Variants in MTRR observed in about 807,000 individuals in gnomAD.
The protein encoded by MTRR is 5-methyltetrahydrofolate-homocysteine methyltransferase reductase.
MTRR carries 63 observed loss-of-function variants against 79.2 expected under a neutral mutation model. The observed-to-expected ratio is 0.80, with a 90% CI of 0.65 to 0.98. The LOEUF is 0.98. Among genes scored for constraint, MTRR ranks in the 50% least tolerant of loss-of-function variants. MTRR has a pLI of 0.00. For synonymous variants in MTRR, 355 were observed against 313.3 expected, an observed-to-expected ratio of 1.13 and a Z score of -1.41; for missense variants, 895 against 839.6, an observed-to-expected ratio of 1.07 and a Z score of -0.82.
At position 7,891,683 on chromosome 5, in the gene MTRR, C is replaced by T. The variant is rs16879342; in HGVS notation, c.1370+269C>T. Among the ~76,000 whole-genome samples, 6,230 of 152,184 alleles carry T rather than the reference C, an allele frequency of 0.041. 259 individuals carry two copies. Among genetic ancestry groups the T allele is most frequent in the East Asian group, 0.18 (953 of 5,156 alleles). On this transcript the variant is annotated intron_variant, in intron 10 of 14. Coordinates refer to ENST00000440940, the MANE Select transcript of MTRR (RefSeq NM_002454.3). ...GGCTCCTCCACATGCTTCCTGTGTC[C>T]GTGTGCCCAGCCACCTTCACTGAGT... is the stretch of plus-strand genomic sequence containing the variant.
chr5:7,885,670 T>C, intron 6 of MTRR, 31 bp from the exon 7 acceptor site: 1 of 1,221,826 alleles, frequency 8.2e-7, no homozygotes, highest in East Asian at 3.3e-5. Context: ...GTATAATGTA[T>C]TTTTTTTTTT....
chr5:7,861,730 T>G lies in MTRR; in HGVS notation n.392-221T>G, dbSNP rs749360567. 3.1e-5 allele frequency: 48 copies of G among 1,542,150 alleles called. 2 individuals are homozygous for G. In the South Asian group the frequency reaches 5.6e-4, roughly 18 times the overall value. On this transcript the variant is annotated intron_variant and non_coding_transcript_variant, in intron 1 of 3. Coordinates refer to the MTRR transcript ENST00000502509. The stretch of plus-strand genomic sequence containing the variant: ...TCTTCCTGTATTCATTCCTTTGCTT[T>G]GCTTTGATTCCTTCCACCTTGCATT...
chr5:7,878,178 G>C lies in MTRR; in HGVS notation c.636G>C (p.Val212=), dbSNP rs368140804. ...KDSEVLKQNA[V]NSNQSNVVIE... Reference sequence around the variant, plus strand: ...CTGAGGTTTTGAAGCAAAATGCAGTGAACAGCAACCAATCCAATGTTGTAA... The same window carrying C: ...CTGAGGTTTTGAAGCAAAATGCAGTCAACAGCAACCAATCCAATGTTGTAA... The change falls in exon 5 of 15, where the codon GTG becomes GTC. Residue 212 remains valine, a synonymous_variant. Coordinates refer to ENST00000440940, the MANE Select transcript of MTRR (RefSeq NM_002454.3). The C allele has an allele frequency of 6.2e-6, 10 of 1,614,036 alleles. No individual in the cohort carries two copies. Among genetic ancestry groups the C allele is most frequent in the Non-Finnish European group, 7.6e-6 (9 of 1,180,036 alleles).
intron 9 of MTRR, 131 bp from the exon 10 acceptor site, chr5:7,891,241 A>G (rs554873045): frequency 7.7e-6 from 5 of 646,966 alleles, no homozygotes; most frequent in South Asian, 2.1e-5. Flanking sequence ...GTGCTTAACT[A>G]TGATTTAAAA....
intron 1 of MTRR, among the ~76,000 whole-genome samples, chr5:7,858,616 C>CT (rs889721351): frequency 6.6e-6 from 1 of 152,188 alleles, no homozygotes; most frequent in Admixed American, 6.5e-5. Context: ...CACCAGCTAA[C>CT]TTGCACTGTG....
intron 4 of MTRR, among the ~76,000 whole-genome samples, chr5:7,877,623 T>C (rs1734797654): frequency 6.6e-6 from 1 of 152,112 alleles, no homozygotes; most frequent in South Asian, 2.1e-4. Flanking sequence ...AATTATATCT[T>C]CTTAAAATAA....
At chr5:7,892,602 G>A in intron 10 of MTRR, 125 bp from the exon 11 acceptor site, 1 of 1,050,872 alleles carries the variant, frequency 9.5e-7, no homozygotes, top group African/African-American at 1.6e-5. Context: ...TTTCCTCTGT[G>A]AGGATTTGGA....
At chr5:7,889,688 A>G (rs1242712080) in intron 9 of MTRR, among the ~76,000 whole-genome samples, 2 of 152,296 alleles carry the variant, frequency 1.3e-5, no homozygotes, top group East Asian at 3.9e-4. Context: ...TTTCAAAGCT[A>G]ACGAACATCA....
intron 1 of MTRR, chr5:7,859,359 A>T: frequency 1.2e-6 from 1 of 857,504 alleles, no homozygotes; most frequent in Non-Finnish European, 1.8e-6. Context: ...TGGCTAATTC[A>T]CATTATATTT....
At chr5:7,861,521 A>AT in intron 1 of MTRR, 1 of 1,195,806 alleles carries the variant, frequency 8.4e-7, no homozygotes, top group Non-Finnish European at 1.1e-6. Context: ...TGAGAAAAAG[A>AT]TACCGCTGCT....
At chr5:7,859,598 C>T in intron 1 of MTRR, 3 of 1,093,808 alleles carry the variant, frequency 2.7e-6, no homozygotes, top group Non-Finnish European at 4.0e-6. Context: ...GTTCCTCTGG[C>T]TATTGGTTAC....
chr5:7,881,604 T>C (rs190166186), intron 5 of MTRR, among the ~76,000 whole-genome samples: 2,291 of 152,256 alleles, frequency 0.015, 31 homozygotes, highest in Non-Finnish European at 0.024. Flanking sequence ...AGATTTTTTT[T>C]CCCAGTTAGT....
chr5:7,867,958 G>A (rs771550627), upstream of MTRR: 5 of 1,613,902 alleles, frequency 3.1e-6, no homozygotes, highest in East Asian at 8.9e-5. Flanking sequence ...ACAACCAAGG[G>A]CACAGACGCT....
chr5:7,881,271 T>C (rs1735547675), intron 5 of MTRR, among the ~76,000 whole-genome samples: 1 of 152,108 alleles, frequency 6.6e-6, no homozygotes, highest in Non-Finnish European at 1.5e-5. Context: ...TATACTTTCT[T>C]AGGGGTTAGT....
At chr5:7,872,068 G>A (rs1453605956) in intron 2 of MTRR, among the ~76,000 whole-genome samples, 1 of 152,058 alleles carries the variant, frequency 6.6e-6, no homozygotes, top group African/African-American at 2.4e-5. Context: ...GTTTCGTCTA[G>A]CTGTTCATAA....
chr5:7,872,922 C>T (rs183785544), intron 2 of MTRR, among the ~76,000 whole-genome samples: 5 of 152,280 alleles, frequency 3.3e-5, no homozygotes, highest in Admixed American at 3.3e-4. Context: ...CTAGGTGCCT[C>T]ATCTTGGCTC....
upstream of MTRR, chr5:7,865,995 A>T (rs767517563): frequency 1.9e-6 from 3 of 1,607,262 alleles, no homozygotes; most frequent in Non-Finnish European, 2.6e-6. Flanking sequence ...TGAAACAGAA[A>T]GCATCCCAGT....
rs1180408744 is a variant in MTRR at position 7,883,273 on chromosome 5, T to C, written c.899T>C (p.Ile300Thr). The C allele has an allele frequency of 6.2e-7, 1 of 1,614,228 alleles. No individual in the cohort carries two copies. The highest frequency in any genetic ancestry group is 2.2e-5 in the East Asian group (1 of 44,886). The stretch of plus-strand genomic sequence containing the variant: ...ACCACTCTGCTGGTAGAATTGGACA[T>C]TTCAGTAAGTTGCAAAATTTATTTC... The part of the protein sequence containing the change: ...IKTTLLVELD[I>T]SNTDFSYQPG... Residue 300 changes from isoleucine (I) to threonine (T), a missense_variant, in exon 6 of 15, where the codon ATT (isoleucine) becomes ACT (threonine). By Grantham distance (89) the Ile-to-Thr change is moderately conservative. Transcript: ENST00000440940.
chr5:7,861,447 CA>C (rs1458006892), intron 1 of MTRR: 20 of 649,426 alleles, frequency 3.1e-5, no homozygotes, highest in South Asian at 7.9e-5. Flanking sequence ...AGGAATTTCC[CA>C]ACATGGTATT....
Sources: gnomAD v4.1 joint callset for allele counts (sites outside exome capture counted in the v4.1 genomes callset) on GRCh38, gnomAD v4.1.1 for gene constraint, MANE v1.5 for transcripts, NCBI Gene and HGNC (gene_info 2026-07-23, HGNC 2026-07-21) for gene names.